Variants in FCRL6 observed in about 807,000 individuals in gnomAD.
FCRL6 encodes the protein Fc receptor like 6.
FCRL6 carries 50 observed loss-of-function variants against 49.1 expected under a neutral mutation model. The observed-to-expected ratio is 1.02, with a 90% CI of 0.81 to 1.29. The LOEUF is 1.29. Ranked by LOEUF, FCRL6 falls within the 50% of genes most tolerant of loss-of-function variation. FCRL6 has a pLI of 0.00. For synonymous variants in FCRL6, 213 were observed against 199.6 expected (o/e 1.07, Z -0.57); for missense variants, 571 against 518.5 (o/e 1.10, Z -0.98).
intron 2 of FCRL6, among the ~76,000 whole-genome samples, chr1:159,807,662 G>T (rs1272860277): frequency 6.6e-6 from 1 of 152,134 alleles, no homozygotes. Context: ...CCTCCAACAT[G>T]CCCCACCAGC....
upstream of FCRL6, chr1:159,800,675 A>G (rs1662268833): frequency 4.8e-5 from 70 of 1,452,964 alleles, 2 homozygotes; most frequent in South Asian, 8.1e-4. Context: ...TCTTTCCTAA[A>G]CAACTGAGTC....
In FCRL6 at chr1:159,803,709, G is replaced by A. The variant is rs568884648; in HGVS notation, c.31+1254G>A. Among the ~76,000 whole-genome samples, 13 of 152,176 alleles carry A rather than the reference G, an allele frequency of 8.5e-5. No homozygotes were observed. The South Asian group carries it at 2.7e-3, about 32-fold the overall frequency. On this transcript the variant is annotated intron_variant, in intron 1 of 9. Transcript: ENST00000368106. ...TGTTCCAGCTTGGAACCCAGGACGA[G>A]GATGACAGACAGCAAATGAGGAGAG...
chr1:159,814,021 G>A (rs893601612), intron 7 of FCRL6, among the ~76,000 whole-genome samples, 200 bp from the exon 8 acceptor site: 1 of 148,694 alleles, frequency 6.7e-6, no homozygotes, highest in Non-Finnish European at 1.5e-5. Flanking sequence ...GTCAGGGCTA[G>A]GGAAGCTGCA....
intron 7 of FCRL6, 76 bp downstream of exon 7, chr1:159,813,630 T>C: frequency 7.9e-7 from 1 of 1,263,684 alleles, no homozygotes; most frequent in Non-Finnish European, 1.2e-6. Flanking sequence ...AGAAGGGAGC[T>C]CTCCAGAGCC....
chr1:159,810,716 T>C (rs948205750), intron 6 of FCRL6, among the ~76,000 whole-genome samples: 1 of 152,180 alleles, frequency 6.6e-6, no homozygotes, highest in Non-Finnish European at 1.5e-5. Flanking sequence ...TACTTTACTG[T>C]AGCAGAGTGT....
chr1:159,809,912 C>T (rs1262663423), intron 5 of FCRL6, among the ~76,000 whole-genome samples, 182 bp from the exon 6 acceptor site: 4 of 152,156 alleles, frequency 2.6e-5, no homozygotes, highest in Non-Finnish European at 4.4e-5. Context: ...CGTGGTCACT[C>T]GTGGTGTCAC....
Position 159,815,869 on chromosome 1 carries a change from C to T in FCRL6, c.*208C>T. 3 of 553,502 alleles carry T rather than the reference C, an allele frequency of 5.4e-6. No individual in the cohort carries two copies. Among genetic ancestry groups the T allele is most frequent in the South Asian group, 4.1e-5 (2 of 48,804 alleles). 34.3% of individuals were successfully genotyped at this position (553,502 alleles called of 1,614,324 possible). ...AACCAATGGAATGGGAAGGGAGATG[C>T]TCCCACCAACACACACACTTAGGTT... On this transcript the variant is annotated 3_prime_UTR_variant, in exon 10 of 10. Transcript: ENST00000368106.
At chr1:159,811,873 G>A (rs1053254404) in intron 6 of FCRL6, among the ~76,000 whole-genome samples, 5 of 152,124 alleles carry the variant, frequency 3.3e-5, no homozygotes, top group Admixed American at 6.5e-5. Context: ...GCCTGGCCTC[G>A]GTAATACAGG....
At chr1:159,813,447 C>T (rs1024748762) in intron 6 of FCRL6, 42 bp from the exon 7 acceptor site, 1 of 1,566,672 alleles carries the variant, frequency 6.4e-7, no homozygotes, top group Non-Finnish European at 8.8e-7. Flanking sequence ...CCCACCTGCC[C>T]TCTAAGGGAC....
intron 1 of FCRL6, among the ~76,000 whole-genome samples, chr1:159,803,894 A>G (rs1249227923): frequency 6.6e-6 from 1 of 152,152 alleles, no homozygotes; most frequent in Non-Finnish European, 1.5e-5. Context: ...ATAAGTGTAG[A>G]GCTGCTATTT....
chr1:159,810,268 T>C, intron 6 of FCRL6, 52 bp downstream of exon 6: 1 of 1,565,124 alleles, frequency 6.4e-7, no homozygotes, highest in South Asian at 1.2e-5. Context: ...TGCCAGGCCC[T>C]GCCCAGACTT....
At chr1:159,802,318 C>A, upstream of FCRL6, 1 of 1,293,960 alleles carries the variant, frequency 7.7e-7, no homozygotes, top group Non-Finnish European at 1.1e-6. Flanking sequence ...CACCACCCAG[C>A]TCAGGCCACC....
At position 159,808,384 on chromosome 1, in the gene FCRL6, G is replaced by C; in HGVS notation, c.259G>C (p.Val87Leu). 6.2e-7 allele frequency: 1 copy of C among 1,614,208 alleles called. No individual in the cohort carries two copies. Residue 87 changes from valine (V) to leucine (L), a missense_variant, in exon 3 of 10, where the codon GTG becomes CTG. Physicochemically the swap from Val to Leu is conservative, Grantham distance 32 (BLOSUM62 1). Coordinates refer to ENST00000368106, the MANE Select transcript of FCRL6 (RefSeq NM_001004310.3). ...SRGQYSCSGQ[V>L]MYIPQTFTQT... ...TGGCCAGTACAGCTGCTCTGGGCAGGTGATGTATATTCCACAGACATTCAC... is the reference window on the plus strand; with the variant it reads ...TGGCCAGTACAGCTGCTCTGGGCAGCTGATGTATATTCCACAGACATTCAC...
At chr1:159,806,457 G>A (rs1571093622) in intron 1 of FCRL6, 139 bp from the exon 2 acceptor site, 1 of 775,070 alleles carries the variant, frequency 1.3e-6, no homozygotes, top group East Asian at 2.4e-5. Flanking sequence ...GGATGGCTGT[G>A]TGGATGGGTG....
In FCRL6 at chr1:159,810,106, T is replaced by C; in HGVS notation, c.899T>C (p.Leu300Ser). 6.2e-7 allele frequency: 1 copy of C among 1,612,848 alleles called. No homozygotes were observed. Among genetic ancestry groups the C allele is most frequent in the Middle Eastern group, 1.7e-4 (1 of 6,054 alleles). The part of the protein sequence containing the change: ...KKLSLKGSQV[L>S]FTPASNWLVP... ...TCCCTGCTCCCAGGTTCTCAAGTCT[T>C]GTTCACTCCCGCCAGCAACTGGCTG... is the stretch of plus-strand genomic sequence containing the variant. The change falls in exon 6 of 10, where the codon TTG becomes TCG. Residue 300 changes from leucine to serine, a missense_variant. Physicochemically the swap from Leu to Ser is moderately radical, Grantham distance 145 (BLOSUM62 -2). Coordinates refer to ENST00000368106, the MANE Select transcript of FCRL6 (RefSeq NM_001004310.3).
Position 159,814,310 on chromosome 1 carries a change from A to C in FCRL6, c.1147+18A>C. ...GAGTGAAGGTGAGTGATCTCAGGCC[A>C]AACTTGGTACCTTTGCAAACAGAAG... is the stretch of plus-strand genomic sequence containing the variant. On this transcript the variant is annotated intron_variant, in intron 8 of 9. Transcript: ENST00000368106. The C allele has an allele frequency of 1.2e-6, 2 of 1,609,292 alleles. No individual in the cohort carries two copies. Among genetic ancestry groups the C allele is most frequent in the South Asian group, 2.2e-5 (2 of 90,958 alleles).
intron 8 of FCRL6, 66 bp from the exon 9 acceptor site, chr1:159,815,362 G>T (rs1042575333): frequency 4.5e-6 from 7 of 1,552,154 alleles, no homozygotes. Flanking sequence ...AGCCAGGAGG[G>T]GTGGGAAGGA....
In FCRL6 at chr1:159,807,385, TGATACAGGCTGGGGACA is replaced by T. The variant is rs529155170; in HGVS notation, c.53-768_53-752del. Among the ~76,000 whole-genome samples the T allele has an allele frequency of 8.2e-3, 1,252 of 152,180 alleles. 7 individuals carry two copies. The highest frequency in any genetic ancestry group is 0.019 in the African/African-American group (779 of 41,512). ...GGGGGTGTCTGGCTTATCAAAGAGA[TGATACAGGCTGGGGACA>T]GATACAGGCTGGGGACAGATACAGA... On this transcript the variant is annotated intron_variant, in intron 2 of 9. Coordinates refer to ENST00000368106, the MANE Select transcript of FCRL6 (RefSeq NM_001004310.3).
chr1:159,815,884 A>G lies in FCRL6; in HGVS notation c.*223A>G, dbSNP rs190145649. The G allele has an allele frequency of 4.3e-3, 2,271 of 526,626 alleles. 10 individuals carry two copies. Among genetic ancestry groups the G allele is most frequent in the Admixed American group, 7.4e-3 (233 of 31,632 alleles). The allele number at this position is 526,626 out of a possible 1,614,324, so 32.6% of individuals were successfully genotyped here. On this transcript the variant is annotated 3_prime_UTR_variant, in exon 10 of 10. Transcript: ENST00000368106. ...AAGGGAGATGCTCCCACCAACACACACACTTAGGTTCAATCAGTGACACTG... is the reference window on the plus strand; with the variant it reads ...AAGGGAGATGCTCCCACCAACACACGCACTTAGGTTCAATCAGTGACACTG...
Sources: gnomAD v4.1 joint callset for allele counts (sites outside exome capture counted in the v4.1 genomes callset) on GRCh38, gnomAD v4.1.1 for gene constraint, MANE v1.5 for transcripts, NCBI Gene and HGNC (gene_info 2026-07-23, HGNC 2026-07-21) for gene names.